Variants in AGAP1 observed in about 807,000 individuals in gnomAD.
The protein encoded by AGAP1 is ArfGAP with GTPase domain, ankyrin repeat and PH domain 1.
Under a neutral mutation model 105.3 loss-of-function variants are expected in AGAP1, and 29 were observed. The ratio of observed to expected loss-of-function variants is 0.28; its 90% confidence interval spans 0.21 to 0.38. The LOEUF (loss-of-function observed/expected upper bound fraction) is 0.38, where lower values mean the gene tolerates loss of function less well. Ranked by LOEUF, AGAP1 falls within the 10% of genes least tolerant of loss-of-function variation. The probability of loss-of-function intolerance (pLI) is 1.00; values close to 1 mark genes in which losing one functional copy is unlikely to be tolerated. For synonymous variants in AGAP1, 509 were observed against 485.9 expected, an observed-to-expected ratio of 1.05 and a Z score of -0.63; for missense variants, 998 against 1,165.1, an observed-to-expected ratio of 0.86 and a Z score of 2.09.
chr2:235,610,483 C>G lies in AGAP1; in HGVS notation c.164-98696C>G, dbSNP rs774918884. On this transcript the variant is annotated intron_variant, in intron 1 of 17. Coordinates refer to ENST00000304032, the MANE Select transcript of AGAP1 (RefSeq NM_001037131.3). This position sits in a 1 kb window ranked among gnomAD's most constrained non-coding sequence, Gnocchi z 4.9. ...GATGTCTGCCTTCTTGCTATCCTCACGTGGTGCAGAGCATGCCAGCTCTCT... is the reference window on the plus strand; with the variant it reads ...GATGTCTGCCTTCTTGCTATCCTCAGGTGGTGCAGAGCATGCCAGCTCTCT... 6.6e-6 allele frequency among the ~76,000 whole-genome samples: 1 copy of G among 152,164 alleles called. No individual in the cohort carries two copies.
At position 235,574,507 on chromosome 2, in the gene AGAP1, C is replaced by G. The variant is rs1022897764; in HGVS notation, c.163+79658C>G. On this transcript the variant is annotated intron_variant, in intron 1 of 17. Transcript: ENST00000304032. This position sits in a 1 kb window ranked among gnomAD's most constrained non-coding sequence, Gnocchi z 5.0. ...TAGTTTCTCTTTTAATAGCTGTGAT[C>G]AGATTATACCTTTAAATCTCTTTAA... Among the ~76,000 whole-genome samples the G allele has an allele frequency of 6.6e-6, 1 of 152,172 alleles. No individual in the cohort carries two copies. Among genetic ancestry groups the G allele is most frequent in the Non-Finnish European group, 1.5e-5 (1 of 68,028 alleles).
At position 235,586,599 on chromosome 2, in the gene AGAP1, T is replaced by G. The variant is rs774109859; in HGVS notation, c.163+91750T>G. On this transcript the variant is annotated intron_variant, in intron 1 of 17. Transcript: ENST00000304032. The surrounding 1 kb of genome is among the most constrained non-coding windows in gnomAD (Gnocchi z 4.2). The stretch of plus-strand genomic sequence containing the variant: ...ACCTGAAGGCCCTTGCAGGCTGAGG[T>G]CTCTTGGTGATAATCCACACACTGT... 1.3e-5 allele frequency among the ~76,000 whole-genome samples: 2 copies of G among 152,076 alleles called. No individual in the cohort carries two copies. The highest frequency in any genetic ancestry group is 2.4e-5 in the African/African-American group (1 of 41,408).
Position 235,740,345 on chromosome 2 carries a change from A to G in AGAP1, c.311-618A>G, listed in dbSNP as rs1952508635. On this transcript the variant is annotated intron_variant, in intron 3 of 17. Transcript: ENST00000304032. The surrounding 1 kb of genome is among the most constrained non-coding windows in gnomAD (Gnocchi z 5.7). ...CTCCCGCTAACCCCGCGTGGTCTCT[A>G]ACGCCTCCTGTCAGCCGCTGCTCTG... Among the ~76,000 whole-genome samples, 1 of 151,938 alleles carries G rather than the reference A, an allele frequency of 6.6e-6. No individual in the cohort carries two copies. Among genetic ancestry groups the G allele is most frequent in the Non-Finnish European group, 1.5e-5 (1 of 67,996 alleles).
intron 10 of AGAP1, among the ~76,000 whole-genome samples, chr2:235,895,750 A>ATGGATGGATGGATGGATGG (rs1403050664): frequency 2.4e-5 from 2 of 82,986 alleles, no homozygotes; most frequent in Non-Finnish European, 2.6e-5. Flanking sequence ...TGGATGGATG[A>ATGGATGGATGGATGGATGG]ATGGAGGCAC....
rs2050119008 is a variant in AGAP1, at chr2:235,883,252, A to T, written c.1051-93A>T. The T allele has an allele frequency of 9.7e-7, 1 of 1,032,412 alleles. No homozygotes were observed. The highest frequency in any genetic ancestry group is 1.5e-6 in the Non-Finnish European group (1 of 675,142). 64.0% of individuals were successfully genotyped at this position (1,032,412 alleles called of 1,614,324 possible). On this transcript the variant is annotated intron_variant, in intron 9 of 17. Transcript: ENST00000304032. This position sits in a 1 kb window ranked among gnomAD's most constrained non-coding sequence, Gnocchi z 4.5. ...TATCACAGAGTGAAGTTCTGCACAC[A>T]CACAGAACTTGAATGTATATGTTGC...
rs1951377874 is a variant in AGAP1, at chr2:235,721,472, ATATTATG to A, written c.310+3830_310+3836del. ...ACCTCTTGGATTGACAGATTCCTTA[ATATTATG>A]TGTGTGTGTGTGTGTGTGTGTGTGT... On this transcript the variant is annotated intron_variant, in intron 3 of 17. Transcript: ENST00000304032. The surrounding 1 kb of genome is among the most constrained non-coding windows in gnomAD (Gnocchi z 4.5). Among the ~76,000 whole-genome samples, 1 of 123,474 alleles carries A rather than the reference ATATTATG, an allele frequency of 8.1e-6. No individual in the cohort carries two copies. Among genetic ancestry groups the A allele is most frequent in the Admixed American group, 9.0e-5 (1 of 11,164 alleles). The allele number at this position is 123,474 out of a possible 152,430, so 81.0% of individuals were successfully genotyped here.
At chr2:235,890,694 G>GTT (rs149795078) in intron 10 of AGAP1, among the ~76,000 whole-genome samples, 1,749 of 152,330 alleles carry the variant, frequency 0.011, 11 homozygotes, top group Non-Finnish European at 0.02. Flanking sequence ...TAGTGGGTGT[G>GTT]TTTGAAGGTA....
rs1366728034 is a variant in AGAP1 at position 235,971,002 on chromosome 2, A to G, written c.1645+2379A>G. Among the ~76,000 whole-genome samples the G allele has an allele frequency of 1.3e-5, 2 of 152,190 alleles. No individual in the cohort carries two copies. Among genetic ancestry groups the G allele is most frequent in the African/African-American group, 4.8e-5 (2 of 41,452 alleles). ...GATTTCAGGCACCATGGAAACTCCA[A>G]TATTAGGAAATCACAGGTGTCTCAA... On this transcript the variant is annotated intron_variant, in intron 13 of 17. Transcript: ENST00000304032. The surrounding 1 kb of genome is among the most constrained non-coding windows in gnomAD (Gnocchi z 4.8).
At chr2:235,942,346 T>A (rs1022861909) in intron 12 of AGAP1, among the ~76,000 whole-genome samples, 4 of 152,124 alleles carry the variant, frequency 2.6e-5, no homozygotes, top group Non-Finnish European at 5.9e-5. Context: ...TTTAATCAGG[T>A]CACTTCTCAT....
At chr2:235,857,624 C>T (rs1403946607) in intron 9 of AGAP1, among the ~76,000 whole-genome samples, 7 of 152,212 alleles carry the variant, frequency 4.6e-5, no homozygotes, top group Non-Finnish European at 1.0e-4. Context: ...TATACATTGT[C>T]TGTTTCTCCA....
At chr2:235,675,914 A>C (rs1481584556) in intron 1 of AGAP1, among the ~76,000 whole-genome samples, 1 of 152,246 alleles carries the variant, frequency 6.6e-6, no homozygotes, top group Non-Finnish European at 1.5e-5. Flanking sequence ...TCAAAAGTAC[A>C]TCTGCTCCAG....
chr2:236,095,333 G>T lies in AGAP1; in HGVS notation c.2115-24859G>T, dbSNP rs1190090489. Among the ~76,000 whole-genome samples the T allele has an allele frequency of 6.6e-6, 1 of 152,080 alleles. No homozygotes were observed. Among genetic ancestry groups the T allele is most frequent in the Non-Finnish European group, 1.5e-5 (1 of 68,028 alleles). ...GATCACTGGAGCCCAGGAAGTCAAGGCTGCAGTGAGCCATGATCATGCCAC... is the reference window on the plus strand; with the variant it reads ...GATCACTGGAGCCCAGGAAGTCAAGTCTGCAGTGAGCCATGATCATGCCAC... On this transcript the variant is annotated intron_variant, in intron 16 of 17. Coordinates refer to ENST00000304032, the MANE Select transcript of AGAP1 (RefSeq NM_001037131.3). The surrounding 1 kb of genome is among the most constrained non-coding windows in gnomAD (Gnocchi z 4.1).
At chr2:236,106,579 T>C (rs1461325802) in intron 16 of AGAP1, among the ~76,000 whole-genome samples, 1 of 152,216 alleles carries the variant, frequency 6.6e-6, no homozygotes, top group Non-Finnish European at 1.5e-5. Flanking sequence ...ATGCTGGGAT[T>C]CCAGGAACCC....
intron 1 of AGAP1, among the ~76,000 whole-genome samples, chr2:235,634,983 C>G (rs761995699): frequency 6.6e-6 from 1 of 151,960 alleles, no homozygotes; most frequent in Non-Finnish European, 1.5e-5. Context: ...CCGCTGTAGA[C>G]AGTGGCCAAC....
rs2057507514 is a variant in AGAP1, at chr2:236,040,288, T to C, written c.1801-463T>C. The stretch of plus-strand genomic sequence containing the variant: ...CATGTGCATCTCCCAGGGTGACGTG[T>C]GGTATGAATGGGGTTTTCTGACAAG... On this transcript the variant is annotated intron_variant, in intron 14 of 17. Transcript: ENST00000304032. This position sits in a 1 kb window ranked among gnomAD's most constrained non-coding sequence, Gnocchi z 5.6. Among the ~76,000 whole-genome samples the C allele has an allele frequency of 6.6e-6, 1 of 152,074 alleles. No individual in the cohort carries two copies. The highest frequency in any genetic ancestry group is 1.5e-5 in the Non-Finnish European group (1 of 68,022).
Position 235,883,252 on chromosome 2 carries a change from A to ACACAGAACTTGAATGTATATGTTG in AGAP1, c.1051-91_1051-68dup, listed in dbSNP as rs2050119232. On this transcript the variant is annotated intron_variant, in intron 9 of 17. Coordinates refer to ENST00000304032, the MANE Select transcript of AGAP1 (RefSeq NM_001037131.3). The surrounding 1 kb of genome is among the most constrained non-coding windows in gnomAD (Gnocchi z 4.5). Reference sequence around the variant, plus strand: ...TATCACAGAGTGAAGTTCTGCACACACACAGAACTTGAATGTATATGTTGC... The same window carrying ACACAGAACTTGAATGTATATGTTG: ...TATCACAGAGTGAAGTTCTGCACACACACAGAACTTGAATGTATATGTTGCACAGAACTTGAATGTATATGTTGC... The ACACAGAACTTGAATGTATATGTTG allele has an allele frequency of 2.9e-6, 3 of 1,032,412 alleles. No individual in the cohort carries two copies. The highest frequency in any genetic ancestry group is 3.0e-6 in the Non-Finnish European group (2 of 675,142). The allele number at this position is 1,032,412 out of a possible 1,614,324, so 64.0% of individuals were successfully genotyped here.
rs948962147 is a variant in AGAP1, at chr2:236,095,824, G to A, written c.2115-24368G>A. Among the ~76,000 whole-genome samples the A allele has an allele frequency of 3.9e-5, 6 of 152,172 alleles. No homozygotes were observed. Among genetic ancestry groups the A allele is most frequent in the Non-Finnish European group, 5.9e-5 (4 of 68,012 alleles). On this transcript the variant is annotated intron_variant, in intron 16 of 17. Transcript: ENST00000304032. This position sits in a 1 kb window ranked among gnomAD's most constrained non-coding sequence, Gnocchi z 4.1. ...TCCCTAAGAGCTGGCCAACTTCCAC[G>A]ATCATTATATTTTTGAGTTTTGCAT...
Position 235,719,843 on chromosome 2 carries a change from A to G in AGAP1, c.310+2199A>G, listed in dbSNP as rs569249999. Among the ~76,000 whole-genome samples the G allele has an allele frequency of 1.8e-4, 28 of 152,266 alleles. No homozygotes were observed. The East Asian group carries it at 4.8e-3, about 26-fold the overall frequency. ...CTGACAGCAGCAGACACCCAGGTGCACCCCAGTGGGTGTGTGTCTAGGGCC... is the reference window on the plus strand; with the variant it reads ...CTGACAGCAGCAGACACCCAGGTGCGCCCCAGTGGGTGTGTGTCTAGGGCC... On this transcript the variant is annotated intron_variant, in intron 3 of 17. Transcript: ENST00000304032. The surrounding 1 kb of genome is among the most constrained non-coding windows in gnomAD (Gnocchi z 4.9).
At position 235,753,800 on chromosome 2, in the gene AGAP1, A is replaced by G. The variant is rs1953673679; in HGVS notation, c.673+3312A>G. Among the ~76,000 whole-genome samples the G allele has an allele frequency of 6.6e-6, 1 of 152,190 alleles. No homozygotes were observed. Among genetic ancestry groups the G allele is most frequent in the Non-Finnish European group, 1.5e-5 (1 of 68,040 alleles). On this transcript the variant is annotated intron_variant, in intron 6 of 17. Coordinates refer to ENST00000304032, the MANE Select transcript of AGAP1 (RefSeq NM_001037131.3). This position sits in a 1 kb window ranked among gnomAD's most constrained non-coding sequence, Gnocchi z 4.5. Reference sequence around the variant, plus strand: ...CTATTGCGATTTTTTTGTCCTTAAAATATTTTCATATGAAGATAACATTTT... The same window carrying G: ...CTATTGCGATTTTTTTGTCCTTAAAGTATTTTCATATGAAGATAACATTTT...
Sources: gnomAD v4.1 joint callset for allele counts (sites outside exome capture counted in the v4.1 genomes callset) on GRCh38, gnomAD v4.1.1 for gene constraint, Gnocchi (gnomAD v3.1) non-coding constraint, MANE v1.5 for transcripts, NCBI Gene and HGNC (gene_info 2026-07-23, HGNC 2026-07-21) for gene names.